Variants in SIGLEC1 observed in about 807,000 individuals in gnomAD.
SIGLEC1 encodes the protein sialic acid binding Ig like lectin 1.
In SIGLEC1, 132 loss-of-function variants were observed where a neutral mutation model predicts 148.0. That is an observed-to-expected ratio of 0.89 (90% confidence interval 0.77 to 1.03). The LOEUF (loss-of-function observed/expected upper bound fraction) is 1.03. Ranked by LOEUF, SIGLEC1 falls within the 50% of genes least tolerant of loss-of-function variation. The pLI is 0.00. For synonymous variants in SIGLEC1, 945 were observed against 969.0 expected (o/e 0.98, Z 0.46); for missense variants, 2,253 against 2,271.4 (o/e 0.99, Z 0.16).
chr20:3,696,684 T>C lies in SIGLEC1; in HGVS notation c.2585A>G (p.Glu862Gly), dbSNP rs2088825289. The C allele has an allele frequency of 6.2e-7, 1 of 1,613,804 alleles. No individual in the cohort carries two copies. ...GTCCCCAAGGCCCAGTTCTCGGACC[T>C]CTAACTTCAGGGAGTTGGCCTCAGC... ...AKAEANSLKLEVRELGLGDSG... is the reference protein window; with the variant it reads ...AKAEANSLKLGVRELGLGDSG... The change falls in exon 11 of 22, where the codon GAG becomes GGG. Residue 862 changes from glutamate to glycine, a missense_variant. Transcript: ENST00000344754.
rs934083011 is a variant in SIGLEC1 at position 3,697,474 on chromosome 20, G to T, written c.2123-132C>A. 3.6e-6 allele frequency: 4 copies of T among 1,115,752 alleles called. No homozygotes were observed. The African/African-American group carries it at 4.7e-5, about 13-fold the overall frequency. The allele number at this position is 1,115,752 out of a possible 1,614,324, so 69.1% of individuals were successfully genotyped here. The stretch of plus-strand genomic sequence containing the variant: ...CAGGGTTGGGGAGAAAAGCAAGCTA[G>T]CTCACAGGGCAGCCTAGGAGAAGTG... On this transcript the variant is annotated intron_variant, in intron 9 of 21. Transcript: ENST00000344754.
chr20:3,691,160 G>A (rs897514757), intron 18 of SIGLEC1, among the ~76,000 whole-genome samples, 180 bp downstream of exon 18: 2 of 152,168 alleles, frequency 1.3e-5, no homozygotes, highest in Admixed American at 6.5e-5. Context: ...GCAGGATGAG[G>A]CGAATGATGT....
chr20:3,689,833 C>A, intron 19 of SIGLEC1, 129 bp downstream of exon 19: 1 of 1,166,900 alleles, frequency 8.6e-7, no homozygotes, highest in Non-Finnish European at 1.2e-6. Flanking sequence ...AAGGGTGCCC[C>A]GAGCAATCAG....
Position 3,693,130 on chromosome 20 carries a change from G to A in SIGLEC1, c.3510C>T (p.Tyr1170=), listed in dbSNP as rs778823726. 1.9e-5 allele frequency: 29 copies of A among 1,551,404 alleles called. No individual in the cohort carries two copies. Among genetic ancestry groups the A allele is most frequent in the East Asian group, 1.6e-4 (7 of 44,442 alleles). The change falls in exon 15 of 22, where the codon TAC becomes TAT. Residue 1170 remains tyrosine, a splice_region_variant and synonymous_variant. Transcript: ENST00000344754. ...LSRPITLDVL[Y]APRNLRLTYL... is the part of the protein sequence containing the mutation. Reference sequence around the variant, plus strand: ...AGGTCAGGCGCAGGTTGCGGGGCGCGTCTGCAGGGCATGAGAGGCTTACAC... The same window carrying A: ...AGGTCAGGCGCAGGTTGCGGGGCGCATCTGCAGGGCATGAGAGGCTTACAC...
At position 3,691,527 on chromosome 20, in the gene SIGLEC1, C is replaced by A. The variant is rs748653840; in HGVS notation, c.4404G>T (p.Leu1468=). The A allele has an allele frequency of 3.7e-6, 6 of 1,613,238 alleles. No homozygotes were observed. Among genetic ancestry groups the A allele is most frequent in the East Asian group, 2.2e-5 (1 of 44,888 alleles). ...AGTTGCCCACAGGCCCAGGGCCACC[C>A]AGGAGGCGGCAGCTGAGGTTCAGGG... ...GAALNLSCRL[L]GGPGPVGNST... The change falls in exon 18 of 22, where the codon CTG becomes CTT. Residue 1468 remains leucine, a synonymous_variant. Coordinates refer to ENST00000344754, the MANE Select transcript of SIGLEC1 (RefSeq NM_023068.4).
At chr20:3,693,263 C>T in intron 14 of SIGLEC1, 132 bp from the exon 15 acceptor site, 1 of 1,210,656 alleles carries the variant, frequency 8.3e-7, no homozygotes, top group Non-Finnish European at 1.1e-6. Flanking sequence ...GTCTGAGGCA[C>T]TGCTCCTCTG....
chr20:3,695,410 C>T (rs745660655), intron 11 of SIGLEC1, among the ~76,000 whole-genome samples: 4 of 152,222 alleles, frequency 2.6e-5, no homozygotes, highest in Non-Finnish European at 5.9e-5. Flanking sequence ...CTTGAGCGCT[C>T]TCGCCAGGCC....
intron 11 of SIGLEC1, among the ~76,000 whole-genome samples, chr20:3,696,245 TCATA>T (rs1439918367): frequency 6.6e-6 from 1 of 151,802 alleles, no homozygotes. Flanking sequence ...GTGTATATAC[TCATA>T]CATAAACATA....
rs1201938325 is a variant in SIGLEC1 at position 3,690,060 on chromosome 20, T to A, written c.4796A>T (p.Asp1599Val). The A allele has an allele frequency of 3.7e-6, 6 of 1,612,254 alleles. No homozygotes were observed. The highest frequency in any genetic ancestry group is 3.4e-6 in the Non-Finnish European group (4 of 1,179,518). The change falls in exon 19 of 22, where the codon GAC (aspartate) becomes GTC (valine). Residue 1599 changes from aspartate (D) to valine (V), a missense_variant. Asp to Val is a radical substitution (Grantham distance 152). Coordinates refer to ENST00000344754, the MANE Select transcript of SIGLEC1 (RefSeq NM_023068.4). Reference protein sequence around the residue: ...VLASPNALRVDIEALRPSDQG... With the variant: ...VLASPNALRVVIEALRPSDQG... ...GTCGCTGGGCCTCAGCGCCTCGATGTCCACCCTCAGGGCATTGGGGGAAGC... is the reference window on the plus strand; with the variant it reads ...GTCGCTGGGCCTCAGCGCCTCGATGACCACCCTCAGGGCATTGGGGGAAGC...
Position 3,703,392 on chromosome 20 carries a change from C to G in SIGLEC1, c.1033G>C (p.Val345Leu). Reference sequence around the variant, plus strand: ...GGTGCCTCATTGGGTGTGTTGCAGACTAGTGTCACTGTCTGGTTCTCCAGG... The same window carrying G: ...GGTGCCTCATTGGGTGTGTTGCAGAGTAGTGTCACTGTCTGGTTCTCCAGG... ...PILENQTVTL[V>L]CNTPNEAPSD... is the part of the protein sequence containing the mutation. Residue 345 changes from valine (V) to leucine (L), a missense_variant, in exon 6 of 22, where the codon GTC becomes CTC. By Grantham distance (32) the Val-to-Leu change is conservative. Transcript: ENST00000344754. 2 of 1,607,650 alleles carry G rather than the reference C, an allele frequency of 1.2e-6. No homozygotes were observed. Among genetic ancestry groups the G allele is most frequent in the Non-Finnish European group, 1.7e-6 (2 of 1,176,468 alleles).
rs767258272 is a variant in SIGLEC1, at chr20:3,694,460, C to G, written c.3017G>C (p.Arg1006Pro). 6.2e-7 allele frequency: 1 copy of G among 1,606,798 alleles called. No individual in the cohort carries two copies. The highest frequency in any genetic ancestry group is 8.5e-7 in the Non-Finnish European group (1 of 1,175,676). Reference protein sequence around the residue: ...GPGRLGLLLCRVDSDPPAQLR... With the variant: ...GPGRLGLLLCPVDSDPPAQLR... ...CTGGGCCGGAGGGTCACTGTCCACA[C>G]GGCACAGGAGGAGGCCCAGTCGTCC... Residue 1006 changes from arginine (R) to proline (P), a missense_variant, in exon 13 of 22, where the codon CGT becomes CCT. By Grantham distance (103) the Arg-to-Pro change is moderately radical. Transcript: ENST00000344754.
Position 3,710,978 on chromosome 20 carries a change from C to A in SIGLEC1, c.-110+1492G>T, listed in dbSNP as rs2087924887. On this transcript the variant is annotated intron_variant, in intron 1 of 21. Coordinates refer to ENST00000344754, the MANE Select transcript of SIGLEC1 (RefSeq NM_023068.4). The surrounding 1 kb of genome is among the most constrained non-coding windows in gnomAD (Gnocchi z 4.6). Reference sequence around the variant, plus strand: ...ACCGCTCAGAAAGGAGATCTCTGTCCCTGTTTGAAAGCCTGGAGTTGAGGG... The same window carrying A: ...ACCGCTCAGAAAGGAGATCTCTGTCACTGTTTGAAAGCCTGGAGTTGAGGG... Among the ~76,000 whole-genome samples, 1 of 152,204 alleles carries A rather than the reference C, an allele frequency of 6.6e-6. No homozygotes were observed. The highest frequency in any genetic ancestry group is 2.4e-5 in the African/African-American group (1 of 41,448).
chr20:3,693,759 C>T (rs923719675), intron 13 of SIGLEC1, 61 bp from the exon 14 acceptor site: 54 of 1,492,362 alleles, frequency 3.6e-5, no homozygotes, highest in Non-Finnish European at 4.2e-5. Flanking sequence ...CAGCAGGCCA[C>T]CTGTCTCCAT....
Position 3,710,822 on chromosome 20 carries a change from G to A in SIGLEC1, c.-110+1648C>T, listed in dbSNP as rs1425893562. 3.9e-5 allele frequency among the ~76,000 whole-genome samples: 6 copies of A among 152,356 alleles called. No homozygotes were observed. The East Asian group carries it at 1.2e-3, about 29-fold the overall frequency. ...ACCACTCCCATCACATAATGTAGAG[G>A]CCACCTATGCTTAGCCCGGCCCTAA... is the stretch of plus-strand genomic sequence containing the variant. On this transcript the variant is annotated intron_variant, in intron 1 of 21. Coordinates refer to ENST00000344754, the MANE Select transcript of SIGLEC1 (RefSeq NM_023068.4). The surrounding 1 kb of genome is among the most constrained non-coding windows in gnomAD (Gnocchi z 4.6).
At chr20:3,705,034 G>C (rs1408875350) in intron 4 of SIGLEC1, among the ~76,000 whole-genome samples, 1 of 152,126 alleles carries the variant, frequency 6.6e-6, no homozygotes, top group African/African-American at 2.4e-5. Context: ...GTCTCACTCT[G>C]TCACCCAGGC....
chr20:3,709,584 A>C (rs959018680), intron 1 of SIGLEC1, among the ~76,000 whole-genome samples: 1 of 152,248 alleles, frequency 6.6e-6, no homozygotes, highest in East Asian at 1.9e-4. Flanking sequence ...GTATATACCC[A>C]AAAGTACTGA....
chr20:3,689,157 G>A lies in SIGLEC1; in HGVS notation c.5068C>T (p.Gln1690Ter), dbSNP rs1332261276. The change falls in exon 21 of 22, where the codon CAG becomes TAG. Residue 1690 changes from glutamine to a stop codon, truncating the protein, a stop_gained and splice_region_variant. Coordinates refer to ENST00000344754, the MANE Select transcript of SIGLEC1 (RefSeq NM_023068.4). LOFTEE classifies it low-confidence loss of function (END_TRUNC). ...GCCCGTGTGTGTTGAATGGATACCT[G>A]CGTGGTCTCTTTCTGAAAAGCCATC... ...VEMAFQKETT[Q>*]LIDPDAATCE... The A allele has an allele frequency of 6.2e-7, 1 of 1,613,350 alleles. No individual in the cohort carries two copies. The highest frequency in any genetic ancestry group is 8.5e-7 in the Non-Finnish European group (1 of 1,179,240).
chr20:3,692,504 A>G lies in SIGLEC1; in HGVS notation c.4030+17T>C. 1.3e-6 allele frequency: 2 copies of G among 1,574,676 alleles called. No individual in the cohort carries two copies. Among genetic ancestry groups the G allele is most frequent in the Non-Finnish European group, 1.7e-6 (2 of 1,166,898 alleles). On this transcript the variant is annotated intron_variant, in intron 16 of 21. Coordinates refer to ENST00000344754, the MANE Select transcript of SIGLEC1 (RefSeq NM_023068.4). ...ACCCTCCTCCTGGGCAGCCCTGGCC[A>G]AGGACCCTCTGCTCACAGAGGACTT...
intron 7 of SIGLEC1, 131 bp from the exon 8 acceptor site, chr20:3,699,590 G>C: frequency 8.2e-7 from 1 of 1,215,136 alleles, no homozygotes; most frequent in Non-Finnish European, 1.1e-6. Context: ...GGTGCATCAG[G>C]AGGGTTTGCC....
Sources: gnomAD v4.1 joint callset for allele counts (sites outside exome capture counted in the v4.1 genomes callset) on GRCh38, gnomAD v4.1.1 for gene constraint, Gnocchi (gnomAD v3.1) non-coding constraint, MANE v1.5 for transcripts, NCBI Gene and HGNC (gene_info 2026-07-23, HGNC 2026-07-21) for gene names.